RAD51B: variants seen among roughly 807,000 people sequenced by gnomAD.
RAD51B encodes DNA repair protein RAD51 homolog 2.
Under a neutral mutation model 42.2 loss-of-function variants are expected in RAD51B, and 38 were observed. The observed-to-expected ratio is 0.90, with a 90% CI of 0.70 to 1.18. RAD51B has a LOEUF of 1.18. Among genes scored for constraint, RAD51B ranks in the 50% most tolerant of loss-of-function variants. RAD51B has a pLI of 0.00. For missense variants in RAD51B, 373 were observed against 400.7 expected, an observed-to-expected ratio of 0.93 and a Z score of 0.59; for synonymous variants, 154 against 145.2, an observed-to-expected ratio of 1.06 and a Z score of -0.43.
At chr14:68,316,737 T>C (rs183158181) in intron 8 of RAD51B, among the ~76,000 whole-genome samples, 115 of 152,362 alleles carry the variant, frequency 7.5e-4, no homozygotes, top group African/African-American at 2.7e-3. Context: ...ACAGCCATGC[T>C]GTCTTTTACT....
chr14:67,980,523 C>T (rs1416886226), intron 7 of RAD51B, among the ~76,000 whole-genome samples: 2 of 152,124 alleles, frequency 1.3e-5, no homozygotes, highest in Non-Finnish European at 2.9e-5. Context: ...GCAATCAAGG[C>T]AGGGTATTGG....
intron 7 of RAD51B, among the ~76,000 whole-genome samples, chr14:68,149,430 G>A (rs761134521): frequency 5.3e-5 from 8 of 152,152 alleles, no homozygotes; most frequent in East Asian, 3.8e-4. Flanking sequence ...GTCCAGCATC[G>A]TTTGTTGAAA....
intron 8 of RAD51B, among the ~76,000 whole-genome samples, chr14:68,329,832 A>G (rs1212204612): frequency 6.6e-6 from 1 of 152,106 alleles, no homozygotes; most frequent in Non-Finnish European, 1.5e-5. Context: ...GTACGAAAAA[A>G]TGGGCTGGGC....
chr14:68,235,698 C>A (rs1438958431), intron 7 of RAD51B, among the ~76,000 whole-genome samples: 1 of 100,860 alleles, frequency 9.9e-6, no homozygotes, highest in Admixed American at 1.3e-4. Context: ...AGCGAGACTC[C>A]GTCTCAAAAA....
chr14:67,916,900 A>C (rs1595103615), intron 7 of RAD51B, among the ~76,000 whole-genome samples: 2 of 152,108 alleles, frequency 1.3e-5, no homozygotes, highest in East Asian at 3.9e-4. Context: ...AGGATGGGGG[A>C]GGCAATAAAA....
chr14:68,207,794 T>C (rs2079622998), intron 7 of RAD51B, among the ~76,000 whole-genome samples: 1 of 152,104 alleles, frequency 6.6e-6, no homozygotes. Flanking sequence ...GCCTTTGGAT[T>C]TGATATTTGG....
intron 10 of RAD51B, among the ~76,000 whole-genome samples, chr14:68,536,209 A>T (rs1032378748): frequency 1.3e-5 from 2 of 152,140 alleles, no homozygotes; most frequent in African/African-American, 4.8e-5. Context: ...GATTGGCCCA[A>T]CTTGGGTCAA....
intron 7 of RAD51B, among the ~76,000 whole-genome samples, chr14:68,002,149 T>A (rs1467595558): frequency 6.6e-6 from 1 of 152,164 alleles, no homozygotes; most frequent in Non-Finnish European, 1.5e-5. Context: ...CTGAACTAAT[T>A]TACACTCCCA....
intron 7 of RAD51B, among the ~76,000 whole-genome samples, chr14:68,079,821 T>A (rs1361597760): frequency 6.6e-6 from 1 of 152,244 alleles, no homozygotes; most frequent in Non-Finnish European, 1.5e-5. Context: ...AGATTTAAGG[T>A]GGCGTATGTG....
At chr14:68,216,359 G>C (rs1419243996) in intron 7 of RAD51B, among the ~76,000 whole-genome samples, 1 of 152,208 alleles carries the variant, frequency 6.6e-6, no homozygotes, top group Non-Finnish European at 1.5e-5. Flanking sequence ...TGTATGGTAG[G>C]TGCTGTGCTT....
At chr14:68,429,803 T>C (rs2084953060) in intron 9 of RAD51B, among the ~76,000 whole-genome samples, 1 of 147,756 alleles carries the variant, frequency 6.8e-6, no homozygotes, top group African/African-American at 2.7e-5. Context: ...TTTTGGTTTT[T>C]AGACATGAAG....
intron 7 of RAD51B, among the ~76,000 whole-genome samples, chr14:68,002,784 A>T (rs1458343956): frequency 2.0e-5 from 3 of 151,898 alleles, no homozygotes; most frequent in Non-Finnish European, 2.9e-5. Flanking sequence ...TTAAATAGGG[A>T]CTCCTTTTCC....
At chr14:68,236,678 A>G (rs971541371) in intron 7 of RAD51B, 2 of 152,222 alleles carry the variant, frequency 1.3e-5, no homozygotes, top group Admixed American at 1.3e-4. Context: ...TGACTAACAG[A>G]CTTTTTAATG....
intron 7 of RAD51B, among the ~76,000 whole-genome samples, chr14:67,986,079 A>T (rs987066868): frequency 2.6e-5 from 4 of 152,184 alleles, no homozygotes; most frequent in African/African-American, 7.2e-5. Context: ...CACAATGTGC[A>T]CGTACGTGCT....
chr14:68,236,993 T>C (rs2080271519), intron 7 of RAD51B, among the ~76,000 whole-genome samples: 1 of 152,256 alleles, frequency 6.6e-6, no homozygotes, highest in South Asian at 2.1e-4. Flanking sequence ...TGAGGACACC[T>C]GTATGACCCT....
At chr14:68,037,894 G>A (rs1382654363) in intron 7 of RAD51B, among the ~76,000 whole-genome samples, 1 of 152,148 alleles carries the variant, frequency 6.6e-6, no homozygotes, top group Non-Finnish European at 1.5e-5. Flanking sequence ...AATTCCATAG[G>A]ATTTTATAGG....
intron 7 of RAD51B, among the ~76,000 whole-genome samples, chr14:68,053,384 G>T (rs2076424785): frequency 6.6e-6 from 1 of 152,076 alleles, no homozygotes; most frequent in Non-Finnish European, 1.5e-5. Context: ...TTATTCTTTG[G>T]AATGAAAAAA....
chr14:68,138,062 G>A (rs1471577389), intron 7 of RAD51B, among the ~76,000 whole-genome samples: 1 of 152,134 alleles, frequency 6.6e-6, no homozygotes, highest in Non-Finnish European at 1.5e-5. Context: ...CCATAGTCTG[G>A]GCACAAAAGT....
At chr14:68,186,979 G>C (rs2079170868) in intron 7 of RAD51B, among the ~76,000 whole-genome samples, 1 of 152,110 alleles carries the variant, frequency 6.6e-6, no homozygotes, top group Non-Finnish European at 1.5e-5. Context: ...GTGCCCATCT[G>C]ATAAAGAAAA....
Sources: allele counts gnomAD v4.1 joint callset (sites outside exome capture counted in the v4.1 genomes callset), GRCh38; gene constraint gnomAD v4.1.1; transcripts MANE v1.5; gene names NCBI Gene and HGNC (gene_info 2026-07-23, HGNC 2026-07-21).